The following ARSB variants were observed in gnomAD, a reference collection of about 807,000 sequenced individuals.
ARSB encodes the protein N-acetylgalactosamine-4-sulfatase.
ARSB carries 41 observed loss-of-function variants against 50.9 expected under a neutral mutation model. That is an observed-to-expected ratio of 0.81 (90% CI 0.63 to 1.04). The LOEUF (loss-of-function observed/expected upper bound fraction) is 1.04, where lower values mean the gene tolerates loss of function less well. Ranked by LOEUF, ARSB falls within the 50% of genes least tolerant of loss-of-function variation. ARSB has a pLI of 0.00. For synonymous variants in ARSB, 269 were observed against 284.8 expected (o/e 0.94, Z 0.56); for missense variants, 672 against 693.3 (o/e 0.97, Z 0.35).
At chr5:78,983,999 G>A (rs1194716559) in intron 1 of ARSB, among the ~76,000 whole-genome samples, 1 of 152,104 alleles carries the variant, frequency 6.6e-6, no homozygotes, top group Non-Finnish European at 1.5e-5. Flanking sequence ...TAACTTCAGG[G>A]TCTTAGAAAT....
In ARSB at chr5:78,955,279, C is replaced by T. The variant is rs760136403; in HGVS notation, c.898+16G>A. ...TAGGCTTTGCCAAGAGATGATTTTC[C>T]TATTGACAGACTTACCTGTAGAAAA... On this transcript the variant is annotated intron_variant, in intron 4 of 7. Transcript: ENST00000264914. The T allele has an allele frequency of 1.9e-6, 3 of 1,613,396 alleles. No individual in the cohort carries two copies. The highest frequency in any genetic ancestry group is 2.5e-6 in the Non-Finnish European group (3 of 1,179,528).
chr5:78,798,189 G>T lies in ARSB; in HGVS notation c.1214-16215C>A, dbSNP rs73120681. ...AAAGATAAGATTGGAAGAAAAGCAA[G>T]TATTTTTTTCTAATCATCCTCCAAT... On this transcript the variant is annotated intron_variant, in intron 6 of 7. Coordinates refer to ENST00000264914, the MANE Select transcript of ARSB (RefSeq NM_000046.5). Among the ~76,000 whole-genome samples, 335 of 152,270 alleles carry T rather than the reference G, an allele frequency of 2.2e-3. 1 individual carries two copies. Among genetic ancestry groups the T allele is most frequent in the African/African-American group, 7.6e-3 (316 of 41,564 alleles).
intron 5 of ARSB, among the ~76,000 whole-genome samples, chr5:78,863,227 A>T (rs1404285887): frequency 1.3e-5 from 2 of 151,654 alleles, no homozygotes; most frequent in Non-Finnish European, 2.9e-5. Flanking sequence ...GAACTAGAAA[A>T]ATCGTTTGAC....
At chr5:78,944,808 T>C (rs1442411773) in intron 4 of ARSB, among the ~76,000 whole-genome samples, 1 of 152,188 alleles carries the variant, frequency 6.6e-6, no homozygotes, top group African/African-American at 2.4e-5. Context: ...TCAAAGCTGT[T>C]AGACAGGGAC....
At chr5:78,834,607 G>GTGTATA (rs1185355030) in intron 6 of ARSB, among the ~76,000 whole-genome samples, 1,013 of 85,602 alleles carry the variant, frequency 0.012, 40 homozygotes, top group African/African-American at 0.035. Context: ...ATATATATGT[G>GTGTATA]TATATATATA....
At chr5:78,828,022 C>T (rs1744509015) in intron 6 of ARSB, among the ~76,000 whole-genome samples, 1 of 152,048 alleles carries the variant, frequency 6.6e-6, no homozygotes, top group Non-Finnish European at 1.5e-5. Context: ...ACAGCAATAG[C>T]TGTTTTAAAA....
Position 78,984,940 on chromosome 5 carries a change from G to C in ARSB, c.309C>G (p.Tyr103Ter). 1 of 1,417,112 alleles carries C rather than the reference G, an allele frequency of 7.1e-7. No individual in the cohort carries two copies. The highest frequency in any genetic ancestry group is 9.2e-7 in the Non-Finnish European group (1 of 1,082,054). The allele number at this position is 1,417,112 out of a possible 1,614,324, so 87.8% of individuals were successfully genotyped here. A position where few individuals can be genotyped will look rare whatever the true frequency, so the allele number is the denominator to read the frequency against. ...PSRSQLLTGR[Y>*]QIRTGLQHQI... is the part of the protein sequence containing the mutation. ...GGGCGGCGGGGGCGCCGCGTACCTG[G>C]TAGCGGCCAGTGAGCAGCTGGCTCC... is the stretch of plus-strand genomic sequence containing the variant. Residue 103 changes from tyrosine to a stop codon, truncating the protein, a stop_gained, in exon 1 of 8, where the codon TAC (tyrosine) becomes TAG (stop). Coordinates refer to ENST00000264914, the MANE Select transcript of ARSB (RefSeq NM_000046.5). LOFTEE classifies it high-confidence loss of function.
chr5:78,901,238 T>C (rs1466808614), intron 4 of ARSB, among the ~76,000 whole-genome samples: 1 of 152,096 alleles, frequency 6.6e-6, no homozygotes, highest in East Asian at 1.9e-4. Flanking sequence ...GCAATCTTAA[T>C]TCCCCTTGTC....
At chr5:78,870,545 C>G (rs1460452945) in intron 5 of ARSB, among the ~76,000 whole-genome samples, 1 of 149,876 alleles carries the variant, frequency 6.7e-6, no homozygotes, top group Non-Finnish European at 1.5e-5. Context: ...AGCATATAAA[C>G]AGAGCCAAAG....
intron 4 of ARSB, among the ~76,000 whole-genome samples, chr5:78,948,301 G>A (rs1751340702): frequency 6.6e-6 from 1 of 152,156 alleles, no homozygotes; most frequent in Non-Finnish European, 1.5e-5. Context: ...TAATTGGAAT[G>A]TTGGTAACAC....
chr5:78,964,321 T>G, intron 3 of ARSB, 95 bp downstream of exon 3: 1 of 1,242,500 alleles, frequency 8.0e-7, no homozygotes, highest in South Asian at 1.2e-5. Flanking sequence ...ATTTATTAGA[T>G]TTTTCCCTAA....
At chr5:78,943,452 A>C (rs1751043695) in intron 4 of ARSB, among the ~76,000 whole-genome samples, 1 of 152,130 alleles carries the variant, frequency 6.6e-6, no homozygotes, top group South Asian at 2.1e-4. Flanking sequence ...TTCCTTCAGG[A>C]GCTCTTGCAG....
chr5:78,891,154 C>T (rs927709345), intron 4 of ARSB, among the ~76,000 whole-genome samples: 2 of 152,120 alleles, frequency 1.3e-5, no homozygotes, highest in African/African-American at 2.4e-5. Flanking sequence ...GGCCACTCAC[C>T]GAAAATAGAG....
chr5:78,886,215 CT>C (rs1748025992), intron 4 of ARSB, among the ~76,000 whole-genome samples: 1 of 152,142 alleles, frequency 6.6e-6, no homozygotes, highest in African/African-American at 2.4e-5. Flanking sequence ...GAAGAGAAAA[CT>C]AAGGGAATTT....
At chr5:78,869,627 C>T (rs1486989287) in intron 5 of ARSB, among the ~76,000 whole-genome samples, 1 of 151,844 alleles carries the variant, frequency 6.6e-6, no homozygotes, top group Non-Finnish European at 1.5e-5. Flanking sequence ...AGAACAAAGA[C>T]ACAACATACC....
rs895851497 is a variant in ARSB at position 78,913,110 on chromosome 5, GT to G, written c.899-27284del. On this transcript the variant is annotated intron_variant, in intron 4 of 7. Coordinates refer to ENST00000264914, the MANE Select transcript of ARSB (RefSeq NM_000046.5). ...ATGAGAACCAGGCTTTTAAAATGTAGTTTTAATTCGCTTTTTTTTTTTTTTT... is the reference window on the plus strand; with the variant it reads ...ATGAGAACCAGGCTTTTAAAATGTAGTTTAATTCGCTTTTTTTTTTTTTTT... Among the ~76,000 whole-genome samples the G allele has an allele frequency of 2.9e-5, 4 of 137,386 alleles. No homozygotes were observed. In the Admixed American group the frequency reaches 3.3e-4, roughly 11 times the overall value. The allele number at this position is 137,386 out of a possible 152,430, so 90.1% of individuals were successfully genotyped here.
rs760223514 is a variant in ARSB, at chr5:78,852,416, C to G, written c.1143-12990G>C. On this transcript the variant is annotated intron_variant, in intron 5 of 7. Coordinates refer to ENST00000264914, the MANE Select transcript of ARSB (RefSeq NM_000046.5). ...CTCCTCTGGCTTGTAGAGTTTCTGC[C>G]AAGAGATCTGCTGTTAGTCTGATGG... 8.5e-3 allele frequency among the ~76,000 whole-genome samples: 1,301 copies of G among 152,284 alleles called. 14 individuals are homozygous for G. Among genetic ancestry groups the G allele is most frequent in the South Asian group, 0.044 (212 of 4,816 alleles).
chr5:78,979,362 C>T (rs189006156), intron 1 of ARSB, among the ~76,000 whole-genome samples: 225 of 152,296 alleles, frequency 1.5e-3, no homozygotes, highest in African/African-American at 5.3e-3. Context: ...GATGTGGAGA[C>T]GCTAAAACCC....
chr5:78,778,807 G>A lies in ARSB; in HGVS notation c.*1590C>T, dbSNP rs1235902324. 1 of 152,160 alleles carries A rather than the reference G, an allele frequency of 6.6e-6. No individual in the cohort carries two copies. The highest frequency in any genetic ancestry group is 2.4e-5 in the African/African-American group (1 of 41,440). The allele number at this position is 152,160 out of a possible 1,614,324, so 9.4% of individuals were successfully genotyped here. ...GGAGCCCAAGCTGGGATAATTGCTG[G>A]AGCCCAGGAGTTTAAGACCAGCTGG... On this transcript the variant is annotated 3_prime_UTR_variant, in exon 8 of 8. Transcript: ENST00000264914.
Sources: gnomAD v4.1 joint callset for allele counts (sites outside exome capture counted in the v4.1 genomes callset) on GRCh38, gnomAD v4.1.1 for gene constraint, MANE v1.5 for transcripts, NCBI Gene and HGNC (gene_info 2026-07-23, HGNC 2026-07-21) for gene names.